The following TEK variants were observed in gnomAD, a reference collection of about 807,000 sequenced individuals.
TEK encodes the protein angiopoietin-1 receptor.
TEK carries 43 observed loss-of-function variants against 131.8 expected under a neutral mutation model. The observed-to-expected ratio is 0.33, with a 90% confidence interval of 0.26 to 0.42. The LOEUF (loss-of-function observed/expected upper bound fraction) is 0.42, where lower values mean the gene tolerates loss of function less well. TEK is among the 10% of genes least tolerant of loss of function. The pLI, the probability that TEK is intolerant of heterozygous loss-of-function variation, is 1.00. For missense variants in TEK, 1,162 were observed against 1,384.4 expected, an observed-to-expected ratio of 0.84 and a Z score of 2.55; for synonymous variants, 580 against 491.6, an observed-to-expected ratio of 1.18 and a Z score of -2.38.
intron 9 of TEK, among the ~76,000 whole-genome samples, chr9:27,188,450 C>G (rs1824680568): frequency 6.6e-6 from 1 of 152,178 alleles, no homozygotes; most frequent in Non-Finnish European, 1.5e-5. Flanking sequence ...AGAAGTATCA[C>G]AGACTGACAT....
chr9:27,222,828 T>G (rs1826141374), intron 21 of TEK, among the ~76,000 whole-genome samples: 1 of 151,950 alleles, frequency 6.6e-6, no homozygotes, highest in Admixed American at 6.6e-5. Flanking sequence ...AACCAGCTAG[T>G]GCAGCATAAT....
chr9:27,203,472 C>G (rs1008151244), intron 13 of TEK, among the ~76,000 whole-genome samples: 1 of 149,968 alleles, frequency 6.7e-6, no homozygotes, highest in Non-Finnish European at 1.5e-5. Context: ...GAACCATGCT[C>G]CATTCTTCCT....
intron 18 of TEK, among the ~76,000 whole-genome samples, chr9:27,215,087 G>A (rs1316178586): frequency 6.6e-6 from 1 of 152,018 alleles, no homozygotes; most frequent in African/African-American, 2.4e-5. Flanking sequence ...GAAGGTGGAG[G>A]GATAACACAG....
intron 16 of TEK, among the ~76,000 whole-genome samples, chr9:27,211,897 T>C (rs1380166901): frequency 6.6e-6 from 1 of 152,000 alleles, no homozygotes; most frequent in East Asian, 1.9e-4. Flanking sequence ...TTTTAGCAAG[T>C]AAATTCCCTT....
At chr9:27,213,755 T>C (rs79324326) in intron 18 of TEK, among the ~76,000 whole-genome samples, 158 bp downstream of exon 18, 1 of 152,306 alleles carries the variant, frequency 6.6e-6, no homozygotes, top group African/African-American at 2.4e-5. Flanking sequence ...TTTCTAAATG[T>C]TGGTTCCTAA....
At chr9:27,134,284 C>G (rs1182551379) in intron 1 of TEK, among the ~76,000 whole-genome samples, 1 of 152,162 alleles carries the variant, frequency 6.6e-6, no homozygotes, top group Non-Finnish European at 1.5e-5. Context: ...TTAACATCAG[C>G]TCATTTACTC....
rs576395655 is a variant in TEK, at chr9:27,229,832, C to G, written c.*600C>G. ...CCACTCTGTCTTGTGTTTCCACAGC[C>G]TGCAAGTCAGTCCAGGATGCTAACA... is the stretch of plus-strand genomic sequence containing the variant. On this transcript the variant is annotated 3_prime_UTR_variant, in exon 23 of 23. Coordinates refer to ENST00000380036, the MANE Select transcript of TEK (RefSeq NM_000459.5). The G allele has an allele frequency of 6.4e-6, 1 of 156,782 alleles. No homozygotes were observed. Among genetic ancestry groups the G allele is most frequent in the African/African-American group, 2.4e-5 (1 of 41,574 alleles). 9.7% of individuals were successfully genotyped at this position (156,782 alleles called of 1,614,324 possible).
In TEK at chr9:27,203,232, G is replaced by C. The variant is rs1162352254; in HGVS notation, c.2209+113G>C. ...CCTATGAAAAGTCGGTGGTTGAATGGACAGGCATTTACAGAGAGGTCCTTA... is the reference window on the plus strand; with the variant it reads ...CCTATGAAAAGTCGGTGGTTGAATGCACAGGCATTTACAGAGAGGTCCTTA... On this transcript the variant is annotated intron_variant, in intron 13 of 22. Coordinates refer to ENST00000380036, the MANE Select transcript of TEK (RefSeq NM_000459.5). 2.5e-6 allele frequency: 3 copies of C among 1,183,256 alleles called. No homozygotes were observed. In the East Asian group the frequency reaches 7.1e-5, roughly 28 times the overall value. The allele number at this position is 1,183,256 out of a possible 1,614,324, so 73.3% of individuals were successfully genotyped here. A position where few individuals can be genotyped will look rare whatever the true frequency, so the allele number is the denominator to read the frequency against.
At chr9:27,227,531 C>T (rs80319275) in intron 21 of TEK, among the ~76,000 whole-genome samples, 8,317 of 152,168 alleles carry the variant, frequency 0.055, 384 homozygotes, top group Admixed American at 0.15. Flanking sequence ...AAGATCAAAG[C>T]GCTAGCAGAT....
chr9:27,211,787 C>A (rs1825642068), intron 16 of TEK, among the ~76,000 whole-genome samples: 1 of 151,918 alleles, frequency 6.6e-6, no homozygotes, highest in African/African-American at 2.4e-5. Context: ...CTAATTCATA[C>A]ATCATTTTAA....
Position 27,217,743 on chromosome 9 carries a change from C to G in TEK, c.3047C>G (p.Thr1016Arg). ...AIESLNYSVY[T>R]TNSDVWSYGV... ...GAGTCACTGAATTACAGTGTGTACA[C>G]AACCAACAGTGATGTGTGAGTAAAC... Residue 1016 changes from threonine to arginine, a missense_variant, in exon 19 of 23, where the codon ACA becomes AGA. Physicochemically the swap from Thr to Arg is moderately conservative, Grantham distance 71 (BLOSUM62 -1). Transcript: ENST00000380036. The G allele has an allele frequency of 6.2e-7, 1 of 1,613,622 alleles. No homozygotes were observed. The highest frequency in any genetic ancestry group is 8.5e-7 in the Non-Finnish European group (1 of 1,179,816).
intron 1 of TEK, among the ~76,000 whole-genome samples, chr9:27,131,326 A>C (rs1459128107): frequency 6.6e-6 from 1 of 151,856 alleles, no homozygotes; most frequent in Non-Finnish European, 1.5e-5. Context: ...GTCTCTATTA[A>C]AAATACAAAA....
At chr9:27,131,109 A>G (rs1374760121) in intron 1 of TEK, among the ~76,000 whole-genome samples, 1 of 152,212 alleles carries the variant, frequency 6.6e-6, no homozygotes, top group East Asian at 1.9e-4. Context: ...TACATGGCTG[A>G]GGTTGGTGAA....
At chr9:27,225,439 A>G (rs973400522) in intron 21 of TEK, among the ~76,000 whole-genome samples, 2 of 152,180 alleles carry the variant, frequency 1.3e-5, no homozygotes, top group Non-Finnish European at 2.9e-5. Flanking sequence ...AACACCACAC[A>G]TCTACAACCA....
chr9:27,185,997 A>C (rs559526340), intron 9 of TEK, among the ~76,000 whole-genome samples: 59 of 152,344 alleles, frequency 3.9e-4, no homozygotes, highest in Non-Finnish European at 7.2e-4. Flanking sequence ...CAGGCACAAC[A>C]TATCTGGTAG....
intron 1 of TEK, among the ~76,000 whole-genome samples, chr9:27,115,250 G>A (rs560866744): frequency 7.9e-5 from 12 of 152,292 alleles, no homozygotes; most frequent in African/African-American, 2.6e-4. Context: ...TGTAATCCTA[G>A]CATTTTGGGA....
At chr9:27,193,434 A>G (rs1250693370) in intron 11 of TEK, among the ~76,000 whole-genome samples, 2 of 152,122 alleles carry the variant, frequency 1.3e-5, no homozygotes, top group Non-Finnish European at 2.9e-5. Flanking sequence ...TCTAGATAAC[A>G]TGTGTAAAAT....
At chr9:27,172,215 C>G (rs2131147755) in intron 4 of TEK, among the ~76,000 whole-genome samples, 1 of 152,290 alleles carries the variant, frequency 6.6e-6, no homozygotes, top group East Asian at 1.9e-4. Context: ...ACTTTGAAAA[C>G]CACAGCTCCA....
intron 1 of TEK, among the ~76,000 whole-genome samples, chr9:27,156,407 A>T (rs933653940): frequency 2.0e-5 from 3 of 151,986 alleles, no homozygotes; most frequent in Non-Finnish European, 2.9e-5. Flanking sequence ...TTAGAGGTCA[A>T]TGGGATGAGA....
Sources: gnomAD v4.1 joint callset for allele counts (sites outside exome capture counted in the v4.1 genomes callset) on GRCh38, gnomAD v4.1.1 for gene constraint, MANE v1.5 for transcripts, NCBI Gene and HGNC (gene_info 2026-07-23, HGNC 2026-07-21) for gene names.